CSMD1: variants seen among roughly 807,000 people sequenced by gnomAD.
CSMD1 encodes the protein CUB and Sushi multiple domains 1.
Under a neutral mutation model 417.5 loss-of-function variants are expected in CSMD1, and 213 were observed. The ratio of observed to expected loss-of-function variants is 0.51; its 90% confidence interval spans 0.46 to 0.57. The LOEUF (loss-of-function observed/expected upper bound fraction) is 0.57, where lower values mean the gene tolerates loss of function less well. Among genes scored for constraint, CSMD1 ranks in the 20% least tolerant of loss-of-function variants. The pLI is 0.00. For missense variants in CSMD1, 6,923 were observed against 4,529.7 expected, an observed-to-expected ratio of 1.53 and a Z score of -15.17; for synonymous variants, 2,862 against 1,736.8, an observed-to-expected ratio of 1.65 and a Z score of -16.11.
chr8:4,131,645 G>C (rs542222217), intron 3 of CSMD1, among the ~76,000 whole-genome samples: 1 of 149,702 alleles, frequency 6.7e-6, no homozygotes, highest in South Asian at 2.2e-4. Flanking sequence ...TAGTTCTCAA[G>C]TAAATAAAAC....
intron 23 of CSMD1, among the ~76,000 whole-genome samples, chr8:3,334,680 T>C (rs1487175899): frequency 6.6e-6 from 1 of 152,230 alleles, no homozygotes; most frequent in Middle Eastern, 3.2e-3. Flanking sequence ...AAAACATAAA[T>C]ATGGAGCTGC....
At chr8:4,813,234 G>C (rs753390210) in intron 1 of CSMD1, among the ~76,000 whole-genome samples, 6 of 151,930 alleles carry the variant, frequency 3.9e-5, no homozygotes, top group Admixed American at 6.6e-5. Context: ...AATGTGCTTA[G>C]AAAAATCAAA....
intron 1 of CSMD1, among the ~76,000 whole-genome samples, chr8:4,725,702 A>G (rs1039864327): frequency 6.6e-6 from 1 of 152,154 alleles, no homozygotes; most frequent in African/African-American, 2.4e-5. Context: ...CTTGAAGAAA[A>G]TCCCCATTTA....
chr8:3,822,434 A>T (rs1321512307), intron 5 of CSMD1, among the ~76,000 whole-genome samples: 1 of 152,220 alleles, frequency 6.6e-6, no homozygotes, highest in Non-Finnish European at 1.5e-5. Flanking sequence ...TATCTAGAAA[A>T]AGAACAATGC....
intron 12 of CSMD1, among the ~76,000 whole-genome samples, chr8:3,461,523 G>T (rs968799865): frequency 6.6e-6 from 1 of 152,124 alleles, no homozygotes; most frequent in African/African-American, 2.4e-5. Flanking sequence ...TCTGCTCCCC[G>T]ATCTCTCAAA....
intron 10 of CSMD1, among the ~76,000 whole-genome samples, chr8:3,508,950 A>C (rs967321160): frequency 6.6e-6 from 1 of 152,214 alleles, no homozygotes; most frequent in Admixed American, 6.5e-5. Flanking sequence ...TAAAGTCCTC[A>C]TGCTTAGTAT....
At position 3,348,165 on chromosome 8, in the gene CSMD1, C is replaced by T. The variant is rs769399238; in HGVS notation, c.3305-4G>A. On this transcript the variant is annotated splice_region_variant and splice_polypyrimidine_tract_variant and intron_variant, in intron 21 of 69. Transcript: ENST00000635120. ...TTGACACTTGCTCCACATTCGGCTA[C>T]AATAAATAGGACATGAGAGAAAGAG... 1.9e-6 allele frequency: 3 copies of T among 1,609,068 alleles called. No homozygotes were observed. The highest frequency in any genetic ancestry group is 1.3e-5 in the African/African-American group (1 of 74,634).
Position 3,708,427 on chromosome 8 carries a change from A to T in CSMD1, c.996T>A (p.His332Gln). ...AAAGGGACTCACAGACAGAGTTTTT[A>T]TGGCTTCCATCCTTGCTGGGCAGCA... ...VKMLPSKDGS[H>Q]KNSVLSQGGV... Residue 332 changes from histidine (H) to glutamine (Q), a missense_variant, in exon 7 of 70, where the codon CAT becomes CAA. Coordinates refer to ENST00000635120, the MANE Select transcript of CSMD1 (RefSeq NM_033225.6). The T allele has an allele frequency of 6.2e-7, 1 of 1,613,860 alleles. No individual in the cohort carries two copies. The highest frequency in any genetic ancestry group is 8.5e-7 in the Non-Finnish European group (1 of 1,179,800).
chr8:3,355,356 A>G (rs1483043538), intron 21 of CSMD1, among the ~76,000 whole-genome samples: 1 of 152,194 alleles, frequency 6.6e-6, no homozygotes, highest in Non-Finnish European at 1.5e-5. Flanking sequence ...TATCTCCATC[A>G]TATATACTCT....
intron 7 of CSMD1, among the ~76,000 whole-genome samples, chr8:3,678,248 G>C (rs955694288): frequency 1.3e-5 from 2 of 152,146 alleles, no homozygotes; most frequent in African/African-American, 2.4e-5. Flanking sequence ...CGAGCTAAAG[G>C]AGGAAGTTCG....
At chr8:3,450,667 G>C (rs964858461) in intron 12 of CSMD1, among the ~76,000 whole-genome samples, 1 of 151,894 alleles carries the variant, frequency 6.6e-6, no homozygotes, top group Admixed American at 6.6e-5. Flanking sequence ...TGGCTGCGTA[G>C]TATTCCATGG....
At chr8:4,231,595 T>A (rs1286150272) in intron 3 of CSMD1, among the ~76,000 whole-genome samples, 1 of 152,182 alleles carries the variant, frequency 6.6e-6, no homozygotes, top group African/African-American at 2.4e-5. Flanking sequence ...TAAATCTGCA[T>A]ACAATCCCCC....
chr8:3,294,815 G>C (rs1159240968), intron 25 of CSMD1, among the ~76,000 whole-genome samples: 1 of 152,050 alleles, frequency 6.6e-6, no homozygotes, highest in Admixed American at 6.6e-5. Flanking sequence ...CCGCTTGGTG[G>C]GCTGCACCCA....
intron 3 of CSMD1, among the ~76,000 whole-genome samples, chr8:4,214,987 C>T (rs1292870936): frequency 1.3e-5 from 2 of 152,124 alleles, no homozygotes; most frequent in African/African-American, 4.8e-5. Context: ...CTTACTCTGT[C>T]AGGATTACTG....
At chr8:4,520,153 A>C (rs1803360741) in intron 2 of CSMD1, among the ~76,000 whole-genome samples, 1 of 152,170 alleles carries the variant, frequency 6.6e-6, no homozygotes, top group Non-Finnish European at 1.5e-5. Context: ...GTAGAGCTAA[A>C]ATCAGTAAGC....
intron 1 of CSMD1, among the ~76,000 whole-genome samples, chr8:4,765,923 G>C (rs1464157589): frequency 6.6e-6 from 1 of 152,166 alleles, no homozygotes; most frequent in East Asian, 1.9e-4. Context: ...AAAAGGGTTT[G>C]AAGAATCGAG....
chr8:3,974,635 A>G (rs1813304074), intron 5 of CSMD1, among the ~76,000 whole-genome samples: 1 of 151,880 alleles, frequency 6.6e-6, no homozygotes, highest in Non-Finnish European at 1.5e-5. Context: ...TTATTAGATG[A>G]AAGAACTGTT....
chr8:3,327,599 G>A (rs569015904), intron 23 of CSMD1, among the ~76,000 whole-genome samples: 42 of 152,134 alleles, frequency 2.8e-4, no homozygotes, highest in Admixed American at 1.0e-3. Context: ...ATAAGAATTC[G>A]TAGGATAATT....
chr8:4,475,878 G>C (rs1221319725), intron 2 of CSMD1, among the ~76,000 whole-genome samples: 1 of 152,126 alleles, frequency 6.6e-6, no homozygotes, highest in Non-Finnish European at 1.5e-5. Flanking sequence ...CTCCGAAAGT[G>C]CTGGAATTAC....
Sources: gnomAD v4.1 joint callset for allele counts (sites outside exome capture counted in the v4.1 genomes callset) on GRCh38, gnomAD v4.1.1 for gene constraint, MANE v1.5 for transcripts, NCBI Gene and HGNC (gene_info 2026-07-23, HGNC 2026-07-21) for gene names.